Variants in ADGB observed in about 807,000 individuals in gnomAD.
ADGB encodes androglobin.
ADGB carries 172 observed loss-of-function variants against 210.5 expected under a neutral mutation model. That is an observed-to-expected ratio of 0.82 (90% CI 0.72 to 0.93). ADGB has a LOEUF of 0.93. Ranked by LOEUF, ADGB falls within the 40% of genes least tolerant of loss-of-function variation. The pLI is 0.00. For missense variants in ADGB, 2,025 were observed against 1,964.8 expected (o/e 1.03, Z -0.58); for synonymous variants, 658 against 662.7 (o/e 0.99, Z 0.11).
chr6:146,617,944 A>G (rs1780828439), intron 1 of ADGB, among the ~76,000 whole-genome samples: 1 of 152,090 alleles, frequency 6.6e-6, no homozygotes, highest in African/African-American at 2.4e-5. Flanking sequence ...AAATACTAGT[A>G]GCTTACTGCT....
At chr6:146,740,993 AAT>A in intron 24 of ADGB, 123 bp from the exon 25 acceptor site, 1 of 651,616 alleles carries the variant, frequency 1.5e-6, no homozygotes, top group Non-Finnish European at 2.3e-6. Flanking sequence ...AAAAGAAAAT[AAT>A]ATGTGTGCCT....
At chr6:146,739,330 A>G (rs899234819) in intron 23 of ADGB, among the ~76,000 whole-genome samples, 1 of 152,188 alleles carries the variant, frequency 6.6e-6, no homozygotes, top group Admixed American at 6.5e-5. Flanking sequence ...CCAAACTAGG[A>G]CATTGACAAG....
At chr6:146,783,044 A>G (rs1777824561) in intron 30 of ADGB, among the ~76,000 whole-genome samples, 2 of 152,278 alleles carry the variant, frequency 1.3e-5, no homozygotes, top group East Asian at 1.9e-4. Flanking sequence ...AGGAGAAAAG[A>G]CAGGAGAGGA....
At position 146,681,914 on chromosome 6, in the gene ADGB, A is replaced by G. The variant is rs1776163550; in HGVS notation, c.1217-3820A>G. 2.0e-5 allele frequency among the ~76,000 whole-genome samples: 3 copies of G among 152,154 alleles called. No individual in the cohort carries two copies. In the South Asian group the frequency reaches 6.2e-4, roughly 32 times the overall value. ...TACACTTCACACTTCTTAATTGTGT[A>G]GTGGACATGTTACTTAACCTATCCG... On this transcript the variant is annotated intron_variant, in intron 9 of 35. Coordinates refer to ENST00000397944, the MANE Select transcript of ADGB (RefSeq NM_024694.4).
chr6:146,783,825 C>T (rs911606346), intron 30 of ADGB, among the ~76,000 whole-genome samples: 10 of 152,116 alleles, frequency 6.6e-5, no homozygotes, highest in African/African-American at 1.2e-4. Flanking sequence ...GCCTCACCTA[C>T]GTAAAACTTG....
At chr6:146,707,336 T>A (rs1451502321) in intron 13 of ADGB, among the ~76,000 whole-genome samples, 1 of 152,204 alleles carries the variant, frequency 6.6e-6, no homozygotes, top group Non-Finnish European at 1.5e-5. Flanking sequence ...GTTCTGTATA[T>A]ATCTGTTAGG....
chr6:146,792,682 G>A (rs764567941), intron 33 of ADGB, among the ~76,000 whole-genome samples: 2 of 152,024 alleles, frequency 1.3e-5, no homozygotes, highest in Middle Eastern at 3.4e-3. Flanking sequence ...TAAAGTCTAC[G>A]TAGTTGTGAA....
chr6:146,786,335 C>G (rs1003688749), intron 32 of ADGB, among the ~76,000 whole-genome samples: 1 of 151,718 alleles, frequency 6.6e-6, no homozygotes, highest in African/African-American at 2.4e-5. Flanking sequence ...ATGCCAGTGT[C>G]TTCTCACAGC....
chr6:146,649,583 T>C (rs982260601), intron 3 of ADGB, among the ~76,000 whole-genome samples: 1 of 151,874 alleles, frequency 6.6e-6, no homozygotes, highest in Non-Finnish European at 1.5e-5. Flanking sequence ...CTCAACCTCC[T>C]GGGCTCAGGT....
intron 1 of ADGB, among the ~76,000 whole-genome samples, chr6:146,612,973 G>C (rs147187068): frequency 1.6e-3 from 243 of 152,166 alleles, no homozygotes; most frequent in African/African-American, 5.5e-3. Flanking sequence ...TATCTATGAA[G>C]CCATAAAACC....
intron 29 of ADGB, among the ~76,000 whole-genome samples, chr6:146,772,923 A>T (rs1240480699): frequency 1.3e-5 from 2 of 152,148 alleles, no homozygotes; most frequent in African/African-American, 4.8e-5. Flanking sequence ...AGCGGGAAGG[A>T]GAATGTGTCT....
chr6:146,684,901 A>G (rs1776201478), intron 9 of ADGB, among the ~76,000 whole-genome samples: 1 of 152,120 alleles, frequency 6.6e-6, no homozygotes, highest in Admixed American at 6.6e-5. Flanking sequence ...TTTGAAATGT[A>G]AAAGTATGTT....
intron 1 of ADGB, among the ~76,000 whole-genome samples, chr6:146,608,350 T>A (rs1780660200): frequency 6.6e-6 from 1 of 152,044 alleles, no homozygotes; most frequent in Non-Finnish European, 1.5e-5. Context: ...ATCTCTTGTA[T>A]GGTTTTTTGT....
intron 33 of ADGB, among the ~76,000 whole-genome samples, chr6:146,790,686 A>G (rs937555203): frequency 1.3e-5 from 2 of 152,192 alleles, no homozygotes; most frequent in Non-Finnish European, 2.9e-5. Context: ...ACTTATTTTA[A>G]TTCCTTTGGA....
At chr6:146,625,808 T>G (rs1015338989) in intron 1 of ADGB, among the ~76,000 whole-genome samples, 1 of 152,040 alleles carries the variant, frequency 6.6e-6, no homozygotes, top group African/African-American at 2.4e-5. Flanking sequence ...CAGTCTTCAG[T>G]GTGTGTTGCT....
At chr6:146,770,364 T>C (rs1314308399) in intron 29 of ADGB, 8 of 222,604 alleles carry the variant, frequency 3.6e-5, no homozygotes, top group Non-Finnish European at 7.7e-5. Flanking sequence ...AAAGAAAAGC[T>C]ATAAAAATGT....
intron 10 of ADGB, among the ~76,000 whole-genome samples, chr6:146,689,552 G>A (rs551026282): frequency 2.0e-5 from 3 of 151,708 alleles, no homozygotes; most frequent in East Asian, 1.9e-4. Flanking sequence ...AATGCTCTAC[G>A]GTCTAAAAAA....
At chr6:146,772,944 G>A (rs773524367) in intron 29 of ADGB, among the ~76,000 whole-genome samples, 5 of 152,052 alleles carry the variant, frequency 3.3e-5, no homozygotes, top group Non-Finnish European at 5.9e-5. Flanking sequence ...CAGGCTATAC[G>A]CAGGAGCCAG....
chr6:146,666,350 TTC>T (rs1195217230), intron 6 of ADGB, among the ~76,000 whole-genome samples: 18 of 152,026 alleles, frequency 1.2e-4, no homozygotes, highest in Non-Finnish European at 2.5e-4. Context: ...TGTTTCTGGT[TTC>T]TCCACAGTTA....
Sources: gnomAD v4.1 joint callset for allele counts (sites outside exome capture counted in the v4.1 genomes callset) on GRCh38, gnomAD v4.1.1 for gene constraint, MANE v1.5 for transcripts, NCBI Gene and HGNC (gene_info 2026-07-23, HGNC 2026-07-21) for gene names.